Variants in GDNF observed in about 807,000 individuals in gnomAD.
GDNF encodes the protein glial cell line-derived neurotrophic factor.
GDNF carries 5 observed loss-of-function variants against 13.7 expected under a neutral mutation model. That is an observed-to-expected ratio of 0.36 (90% confidence interval 0.19 to 0.77). The LOEUF (loss-of-function observed/expected upper bound fraction) is 0.77, where lower values mean the gene tolerates loss of function less well. Ranked by LOEUF, GDNF falls within the 30% of genes least tolerant of loss-of-function variation. GDNF has a pLI of 0.51. For synonymous variants in GDNF, 122 were observed against 112.5 expected, an observed-to-expected ratio of 1.08 and a Z score of -0.53; for missense variants, 246 against 274.3, an observed-to-expected ratio of 0.90 and a Z score of 0.73.
chr5:37,835,766 G>GT, intron 1 of GDNF: 1 of 941,058 alleles, frequency 1.1e-6, no homozygotes. Context: ...TCCCAGAGGA[G>GT]TCACTGGCTC....
In GDNF at chr5:37,834,715, G is replaced by T; in HGVS notation, c.82C>A (p.Pro28Thr). The change falls in exon 2 of 3, where the codon CCT becomes ACT. Residue 28 changes from proline to threonine, a missense_variant. Coordinates refer to ENST00000326524, the MANE Select transcript of GDNF (RefSeq NM_000514.4). ...SAFPLPAGKR[P>T]PEAPAEDRSL... ...CGGTCTTCGGCGGGCGCCTCGGGAGGCCTCTTACCGGCGGGCAGCGGGAAG... is the reference window on the plus strand; with the variant it reads ...CGGTCTTCGGCGGGCGCCTCGGGAGTCCTCTTACCGGCGGGCAGCGGGAAG... The T allele has an allele frequency of 1.2e-6, 2 of 1,611,438 alleles. No homozygotes were observed. Among genetic ancestry groups the T allele is most frequent in the Non-Finnish European group, 1.7e-6 (2 of 1,179,062 alleles).
chr5:37,839,009 C>A lies in GDNF; in HGVS notation c.-27+498G>T, dbSNP rs533485645. ...GAGGTGAGCCCTCCATTTTTAGGTT[C>A]TCAGCACCTTTGCAGCAGCCCCTCC... On this transcript the variant is annotated intron_variant, in intron 1 of 2. Transcript: ENST00000326524. The surrounding 1 kb of genome is among the most constrained non-coding windows in gnomAD (Gnocchi z 5.5). 9.1e-4 allele frequency among the ~76,000 whole-genome samples: 139 copies of A among 152,288 alleles called. 1 individual carries two copies. Among genetic ancestry groups the A allele is most frequent in the African/African-American group, 2.9e-3 (120 of 41,578 alleles).
intron 2 of GDNF, chr5:37,823,325 G>C (rs1185651432): frequency 6.6e-6 from 1 of 152,228 alleles, no homozygotes; most frequent in East Asian, 1.9e-4. Context: ...TCTGAGACGA[G>C]AGCAAGACAT....
At chr5:37,822,807 G>T (rs1248186564) in intron 2 of GDNF, among the ~76,000 whole-genome samples, 1 of 152,014 alleles carries the variant, frequency 6.6e-6, no homozygotes, top group African/African-American at 2.4e-5. Flanking sequence ...TATATGAAAA[G>T]AAAAGATCAA....
intron 2 of GDNF, among the ~76,000 whole-genome samples, chr5:37,829,687 A>G (rs558324917): frequency 1.3e-5 from 2 of 152,358 alleles, no homozygotes; most frequent in Admixed American, 1.3e-4. Flanking sequence ...GGAGGGGAAA[A>G]TATCAGGGAG....
At chr5:37,831,009 G>A (rs939184249) in intron 2 of GDNF, among the ~76,000 whole-genome samples, 2 of 152,184 alleles carry the variant, frequency 1.3e-5, no homozygotes, top group Non-Finnish European at 1.5e-5. Flanking sequence ...CAGTTATATC[G>A]TGGTTTACAT....
intron 1 of GDNF, chr5:37,835,882 C>T (rs779751676): frequency 3.5e-5 from 20 of 573,722 alleles, no homozygotes; most frequent in Non-Finnish European, 5.9e-5. Flanking sequence ...GTAGGGGGTT[C>T]AGCTCTTTTC....
intron 2 of GDNF, chr5:37,823,305 GGGA>G (rs1266471693): frequency 6.6e-6 from 1 of 152,214 alleles, no homozygotes; most frequent in Non-Finnish European, 1.5e-5. Flanking sequence ...TGCAGCAGAT[GGGA>G]ATTTACTCTG....
chr5:37,829,240 T>G (rs751471627), intron 2 of GDNF, among the ~76,000 whole-genome samples: 1 of 152,174 alleles, frequency 6.6e-6, no homozygotes, highest in African/African-American at 2.4e-5. Context: ...CCCATGCTAC[T>G]CCCTAGTATG....
chr5:37,822,714 ATC>A (rs1297510520), intron 2 of GDNF, among the ~76,000 whole-genome samples: 2 of 152,108 alleles, frequency 1.3e-5, no homozygotes, highest in African/African-American at 4.8e-5. Context: ...AAATATAGAG[ATC>A]TCTCTCGATC....
Position 37,838,520 on chromosome 5 carries a change from T to C in GDNF, c.-27+987A>G, listed in dbSNP as rs900276157. Among the ~76,000 whole-genome samples the C allele has an allele frequency of 1.3e-5, 2 of 152,198 alleles. No homozygotes were observed. Among genetic ancestry groups the C allele is most frequent in the African/African-American group, 4.8e-5 (2 of 41,458 alleles). On this transcript the variant is annotated intron_variant, in intron 1 of 2. Transcript: ENST00000326524. This position sits in a 1 kb window ranked among gnomAD's most constrained non-coding sequence, Gnocchi z 4.1. Reference sequence around the variant, plus strand: ...GAAGAGTTGCCTTTGTCCCCGCCTATGAGCAGAAGGGTCGCGAGCTCTGGG... The same window carrying C: ...GAAGAGTTGCCTTTGTCCCCGCCTACGAGCAGAAGGGTCGCGAGCTCTGGG...
At chr5:37,822,890 T>G (rs1750190996) in intron 2 of GDNF, among the ~76,000 whole-genome samples, 1 of 152,244 alleles carries the variant, frequency 6.6e-6, no homozygotes, top group Admixed American at 6.5e-5. Flanking sequence ...ATTTTTATCT[T>G]TCTATATGTT....
intron 2 of GDNF, chr5:37,824,296 T>C (rs1404060067): frequency 6.6e-6 from 1 of 152,272 alleles, no homozygotes; most frequent in African/African-American, 2.4e-5. Context: ...CAATTTACCA[T>C]TTTCTTCGAA....
chr5:37,836,997 G>C (rs544161794), intron 1 of GDNF, among the ~76,000 whole-genome samples: 1 of 152,164 alleles, frequency 6.6e-6, no homozygotes, highest in Non-Finnish European at 1.5e-5. Flanking sequence ...CGCCCGGATC[G>C]AGCTCCCCTC....
chr5:37,825,748 C>T (rs1337542073), intron 2 of GDNF, among the ~76,000 whole-genome samples: 2 of 152,278 alleles, frequency 1.3e-5, no homozygotes, highest in East Asian at 3.9e-4. Context: ...TCCCTCAGCT[C>T]TTCCCAGGGG....
chr5:37,816,874 C>A (rs1224362094), intron 2 of GDNF, among the ~76,000 whole-genome samples: 1 of 152,170 alleles, frequency 6.6e-6, no homozygotes, highest in Non-Finnish European at 1.5e-5. Flanking sequence ...CCTTAAAAAT[C>A]ATAAAGGAAC....
At position 37,814,360 on chromosome 5, in the gene GDNF, A is replaced by T. The variant is rs951968634; in HGVS notation, c.*1291T>A. 1.3e-5 allele frequency: 2 copies of T among 152,392 alleles called. No homozygotes were observed. The highest frequency in any genetic ancestry group is 1.3e-4 in the Admixed American group (2 of 15,286). The allele number at this position is 152,392 out of a possible 1,614,324, so 9.4% of individuals were successfully genotyped here. Reference sequence around the variant, plus strand: ...TTCAGCAATGGAGCAAGGAAGAAATAAAGTCAAGTGCCAGTGGTCTCTGCA... The same window carrying T: ...TTCAGCAATGGAGCAAGGAAGAAATTAAGTCAAGTGCCAGTGGTCTCTGCA... On this transcript the variant is annotated 3_prime_UTR_variant, in exon 3 of 3. Transcript: ENST00000326524.
intron 1 of GDNF, 29 bp from the exon 2 acceptor site, chr5:37,834,851 A>G: frequency 6.2e-7 from 1 of 1,603,532 alleles, no homozygotes; most frequent in Admixed American, 1.7e-5. Flanking sequence ...GGTGGGGGAG[A>G]GAACCGCAGA....
intron 1 of GDNF, 139 bp from the exon 2 acceptor site, chr5:37,834,961 A>C: frequency 1.4e-6 from 1 of 725,562 alleles, no homozygotes; most frequent in Non-Finnish European, 2.2e-6. Flanking sequence ...CTCCTCGGGC[A>C]CTCCTGCCCT....
Sources: gnomAD v4.1 joint callset for allele counts (sites outside exome capture counted in the v4.1 genomes callset) on GRCh38, gnomAD v4.1.1 for gene constraint, Gnocchi (gnomAD v3.1) non-coding constraint, MANE v1.5 for transcripts, NCBI Gene and HGNC (gene_info 2026-07-23, HGNC 2026-07-21) for gene names.